Variants in ATOSA observed in about 807,000 individuals in gnomAD.
ATOSA encodes atos homolog protein A.
chr15:52,690,782 C>G, the ATOSA span, among the ~76,000 whole-genome samples: 2 of 152,110 alleles, frequency 1.3e-5, no homozygotes, highest in African/African-American at 2.4e-5. Context: ...TTTTCCTCAT[C>G]CTGAGTAAAA....
the ATOSA span, among the ~76,000 whole-genome samples, chr15:52,597,727 C>G: frequency 6.6e-6 from 1 of 152,178 alleles, no homozygotes; most frequent in South Asian, 2.1e-4. Context: ...GTAGAAAACT[C>G]TAAATCAGGG....
the ATOSA span, among the ~76,000 whole-genome samples, chr15:52,641,066 C>T: frequency 5.3e-4 from 80 of 152,260 alleles, 1 homozygote; most frequent in Middle Eastern, 3.4e-3. Flanking sequence ...AACCATTTAC[C>T]ACAAACCTCT....
chr15:52,597,150 ATTCTG>A, the ATOSA span, among the ~76,000 whole-genome samples: 6 of 41,862 alleles, frequency 1.4e-4, no homozygotes, highest in African/African-American at 4.3e-4. Context: ...ATTCTATTTT[ATTCTG>A]TTCTGTTCTG....
chr15:52,588,335 C>G, the ATOSA span, among the ~76,000 whole-genome samples: 1 of 152,160 alleles, frequency 6.6e-6, no homozygotes, highest in Admixed American at 6.5e-5. Context: ...TATGTTAAAA[C>G]AAGGTAAGTT....
At chr15:52,658,684 G>A in the ATOSA span, 1 of 397,662 alleles carries the variant, frequency 2.5e-6, no homozygotes, top group Admixed American at 4.4e-5. Context: ...GGATAGTGGA[G>A]GCCAGGCATG....
At chr15:52,603,234 C>G in the ATOSA span, among the ~76,000 whole-genome samples, 1 of 152,124 alleles carries the variant, frequency 6.6e-6, no homozygotes, top group South Asian at 2.1e-4. Flanking sequence ...AAAAAATGCT[C>G]AACACCACTA....
chr15:52,600,085 G>T, the ATOSA span: 4 of 1,007,608 alleles, frequency 4.0e-6, no homozygotes, highest in Non-Finnish European at 6.2e-6. Context: ...AGAACCTAGG[G>T]TATAAAATTT....
the ATOSA span, chr15:52,586,720 T>C: frequency 6.1e-6 from 1 of 163,418 alleles, no homozygotes; most frequent in African/African-American, 2.4e-5. Flanking sequence ...TTCTGCTTTG[T>C]GTGGTCATCT....
At chr15:52,667,224 A>T in the ATOSA span, among the ~76,000 whole-genome samples, 1 of 152,200 alleles carries the variant, frequency 6.6e-6, no homozygotes, top group Admixed American at 6.5e-5. Flanking sequence ...TAAATACTTA[A>T]AAGCTAGAGG....
the ATOSA span, chr15:52,658,377 G>T: frequency 1.1e-5 from 2 of 174,196 alleles, no homozygotes; most frequent in Admixed American, 6.3e-5. Flanking sequence ...TTATATAAAT[G>T]CTAGAGTCAA....
At chr15:52,672,258 A>G in the ATOSA span, among the ~76,000 whole-genome samples, 4 of 149,826 alleles carry the variant, frequency 2.7e-5, no homozygotes, top group African/African-American at 7.3e-5. Context: ...CTTAAGCAGG[A>G]TGATCTCTTG....
chr15:52,634,765 C>T, the ATOSA span, among the ~76,000 whole-genome samples: 1 of 151,992 alleles, frequency 6.6e-6, no homozygotes, highest in African/African-American at 2.4e-5. Flanking sequence ...CCATGCCCAG[C>T]TAATTTTTGT....
the ATOSA span, chr15:52,649,575 T>C: frequency 4.5e-4 from 68 of 152,178 alleles, no homozygotes; most frequent in African/African-American, 1.6e-3. Context: ...TTCTATTTGC[T>C]ATTCCTTATA....
At chr15:52,664,749 G>A in the ATOSA span, among the ~76,000 whole-genome samples, 1 of 152,118 alleles carries the variant, frequency 6.6e-6, no homozygotes, top group African/African-American at 2.4e-5. Context: ...TCCAGACCTC[G>A]GCAACATAGC....
chr15:52,610,498 C>T, the ATOSA span: 1 of 1,125,562 alleles, frequency 8.9e-7, no homozygotes, highest in Non-Finnish European at 1.2e-6. Context: ...GCGTTAATTA[C>T]CACTGAGGTT....
chr15:52,643,216 C>T, the ATOSA span, among the ~76,000 whole-genome samples: 216 of 152,248 alleles, frequency 1.4e-3, no homozygotes, highest in Non-Finnish European at 2.3e-3. Context: ...ATTCTCTTAA[C>T]ATGCTTTCTG....
the ATOSA span, among the ~76,000 whole-genome samples, chr15:52,674,350 C>T: frequency 1.3e-5 from 2 of 152,202 alleles, no homozygotes; most frequent in South Asian, 2.1e-4. Flanking sequence ...CGCAACAGGC[C>T]GTGGACCACA....
chr15:52,597,450 C>G, the ATOSA span, among the ~76,000 whole-genome samples: 1 of 152,184 alleles, frequency 6.6e-6, no homozygotes, highest in Admixed American at 6.5e-5. Flanking sequence ...CGAATGAACT[C>G]TTGATATGCA....
At chr15:52,630,232 A>G in the ATOSA span, among the ~76,000 whole-genome samples, 1 of 152,216 alleles carries the variant, frequency 6.6e-6, no homozygotes, top group African/African-American at 2.4e-5. Context: ...TTGTTTCCCA[A>G]GTTGGTTGTT....
Sources: gnomAD v4.1 joint callset for allele counts (sites outside exome capture counted in the v4.1 genomes callset) on GRCh38, gnomAD v4.1.1 for gene constraint, MANE v1.5 for transcripts, NCBI Gene and HGNC (gene_info 2026-07-23, HGNC 2026-07-21) for gene names.